Variants in RTCA observed in about 807,000 individuals in gnomAD.
RTCA encodes the protein RNA 3'-terminal phosphate cyclase.
RTCA carries 37 observed loss-of-function variants against 46.1 expected under a neutral mutation model. The ratio of observed to expected loss-of-function variants is 0.80; its 90% CI spans 0.62 to 1.06. The LOEUF is 1.06. Ranked by LOEUF, RTCA falls within the 50% of genes least tolerant of loss-of-function variation. RTCA has a pLI of 0.00. For synonymous variants in RTCA, 164 were observed against 158.3 expected (o/e 1.04, Z -0.27); for missense variants, 435 against 455.5 (o/e 0.95, Z 0.41).
intron 4 of RTCA, among the ~76,000 whole-genome samples, chr1:100,271,805 G>T (rs1229943398): frequency 6.6e-6 from 1 of 152,188 alleles, no homozygotes; most frequent in Non-Finnish European, 1.5e-5. Context: ...ACATAGAATA[G>T]TTCCGTTACT....
chr1:100,277,874 C>T (rs1666486865), intron 8 of RTCA, among the ~76,000 whole-genome samples: 1 of 151,920 alleles, frequency 6.6e-6, no homozygotes. Context: ...CTCCCATTAC[C>T]TTTTTTGTTG....
chr1:100,273,289 A>G (rs941946029), intron 4 of RTCA, 105 bp from the exon 5 acceptor site: 6 of 662,768 alleles, frequency 9.1e-6, no homozygotes, highest in African/African-American at 7.5e-5. Flanking sequence ...CTGTTTACCT[A>G]TAGCACCCAG....
In RTCA at chr1:100,268,281, T is replaced by C. The variant is rs1190413301; in HGVS notation, c.276T>C (p.Asp92=). 6 of 1,612,822 alleles carry C rather than the reference T, an allele frequency of 3.7e-6. No individual in the cohort carries two copies. The highest frequency in any genetic ancestry group is 5.1e-6 in the Non-Finnish European group (6 of 1,179,260). The change falls in exon 3 of 11, where the codon GAT becomes GAC. Residue 92 remains aspartate, a synonymous_variant. Transcript: ENST00000370128. ...TCAAAGGTGGAATCCACACAGCAGATACCAAGACAGCAGGGTATGTATCAC... is the reference window on the plus strand; with the variant it reads ...TCAAAGGTGGAATCCACACAGCAGACACCAAGACAGCAGGGTATGTATCAC... ...EKIKGGIHTA[D]TKTAGSVCLL...
chr1:100,286,454 C>CAAA (rs754851046), intron 9 of RTCA, among the ~76,000 whole-genome samples: 37 of 44,726 alleles, frequency 8.3e-4, no homozygotes, highest in African/African-American at 1.2e-3. Context: ...GACTCCGTCT[C>CAAA]AAAAAAAAAA....
At chr1:100,277,156 A>G (rs1666437213) in intron 7 of RTCA, 102 bp from the exon 8 acceptor site, 1 of 1,097,738 alleles carries the variant, frequency 9.1e-7, no homozygotes, top group African/African-American at 1.6e-5. Flanking sequence ...TGTTGCCCAG[A>G]TTTAGTTCTG....
Position 100,275,104 on chromosome 1 carries a change from C to T in RTCA, c.615+139C>T, listed in dbSNP as rs184970740. Reference sequence around the variant, plus strand: ...AATGTCCTTTGTGGCAATATGGCTGCAGCTGGAGGCCATTATCCTAAGCAA... The same window carrying T: ...AATGTCCTTTGTGGCAATATGGCTGTAGCTGGAGGCCATTATCCTAAGCAA... On this transcript the variant is annotated intron_variant, in intron 6 of 10. Coordinates refer to ENST00000370128, the MANE Select transcript of RTCA (RefSeq NM_003729.4). 1,085 of 847,144 alleles carry T rather than the reference C, an allele frequency of 1.3e-3. 13 individuals are homozygous for T. Among genetic ancestry groups the T allele is most frequent in the East Asian group, 2.8e-3 (101 of 36,668 alleles). The allele number at this position is 847,144 out of a possible 1,614,324, so 52.5% of individuals were successfully genotyped here. A position where few individuals can be genotyped will look rare whatever the true frequency, so the allele number is the denominator to read the frequency against.
Position 100,266,613 on chromosome 1 carries a change from G to T in RTCA, c.135G>T (p.Thr45=), listed in dbSNP as rs1259065400. The change falls in exon 2 of 11, where the codon ACG becomes ACT. Residue 45 remains threonine, a synonymous_variant. Coordinates refer to ENST00000370128, the MANE Select transcript of RTCA (RefSeq NM_003729.4). Reference sequence around the variant, plus strand: ...AGAAGATCCGAGCCGGCCGGAGCACGCCAGGCCTGAGGTAAATCTGGCTGG... The same window carrying T: ...AGAAGATCCGAGCCGGCCGGAGCACTCCAGGCCTGAGGTAAATCTGGCTGG... The part of the protein sequence containing the change: ...RVQKIRAGRS[T]PGLRPQHLSG... 6.2e-7 allele frequency: 1 copy of T among 1,611,850 alleles called. No homozygotes were observed. The highest frequency in any genetic ancestry group is 8.5e-7 in the Non-Finnish European group (1 of 1,178,714).
chr1:100,276,862 A>G (rs1666418093), intron 7 of RTCA, among the ~76,000 whole-genome samples: 2 of 152,220 alleles, frequency 1.3e-5, no homozygotes, highest in African/African-American at 4.8e-5. Flanking sequence ...TACTTATGAT[A>G]ACACTATCTA....
intron 4 of RTCA, among the ~76,000 whole-genome samples, chr1:100,272,399 G>T (rs1666147648): frequency 1.3e-5 from 2 of 152,042 alleles, no homozygotes; most frequent in South Asian, 4.1e-4. Flanking sequence ...TCTAGCCTGG[G>T]TAACATAGCG....
chr1:100,268,403 GTTT>G, intron 3 of RTCA, 108 bp downstream of exon 3: 3 of 714,222 alleles, frequency 4.2e-6, no homozygotes, highest in South Asian at 2.2e-5. Context: ...CTACTTTTAT[GTTT>G]TTTTTTTTTG....
intron 8 of RTCA, among the ~76,000 whole-genome samples, chr1:100,280,597 T>A (rs576473404): frequency 6.6e-6 from 1 of 152,188 alleles, no homozygotes. Context: ...CAAAAGTAAC[T>A]TGTGGTCTTC....
In RTCA at chr1:100,266,368, T is replaced by C. The variant is rs776238650; in HGVS notation, c.-8T>C. 7 of 1,611,030 alleles carry C rather than the reference T, an allele frequency of 4.3e-6. No individual in the cohort carries two copies. In the Admixed American group the frequency reaches 1.2e-4, roughly 27 times the overall value. On this transcript the variant is annotated 5_prime_UTR_variant, in exon 1 of 11. Coordinates refer to ENST00000370128, the MANE Select transcript of RTCA (RefSeq NM_003729.4). ...TGTCGCTGCGGGCTGGGCCCCAGGG[T>C]GTCCCCCATGGCGGGGCCGCGGGTG...
At chr1:100,267,037 C>T (rs964977773) in intron 2 of RTCA, 3 of 227,312 alleles carry the variant, frequency 1.3e-5, no homozygotes, top group African/African-American at 6.7e-5. Context: ...AATCATAAAA[C>T]AGGAAAGAAT....
In RTCA at chr1:100,291,486, G is replaced by T; in HGVS notation, c.1083G>T (p.Met361Ile). ...TTATTGAATGCCAAGGAATTGGGATGACAAATCCAAATCTATAGAGTATTT... is the reference window on the plus strand; with the variant it reads ...TTATTGAATGCCAAGGAATTGGGATTACAAATCCAAATCTATAGAGTATTT... ...TYIIECQGIG[M>I]TNPNL is the part of the protein sequence containing the mutation. The change falls in exon 11 of 11, where the codon ATG becomes ATT. Residue 361 changes from methionine (M) to isoleucine (I), a missense_variant. Physicochemically the swap from Met to Ile is conservative, Grantham distance 10. Coordinates refer to ENST00000370128, the MANE Select transcript of RTCA (RefSeq NM_003729.4). The T allele has an allele frequency of 6.2e-7, 1 of 1,606,086 alleles. No individual in the cohort carries two copies. Among genetic ancestry groups the T allele is most frequent in the South Asian group, 1.1e-5 (1 of 90,444 alleles).
intron 8 of RTCA, among the ~76,000 whole-genome samples, chr1:100,282,716 T>A (rs1415105676): frequency 5.3e-5 from 2 of 37,432 alleles, no homozygotes; most frequent in Non-Finnish European, 1.0e-4. Flanking sequence ...CACAAAACTT[T>A]GTTTTATGCA....
intron 8 of RTCA, among the ~76,000 whole-genome samples, chr1:100,280,588 A>C (rs1409352490): frequency 1.3e-5 from 2 of 152,206 alleles, no homozygotes; most frequent in Non-Finnish European, 2.9e-5. Flanking sequence ...TAGCAAATGC[A>C]AAAGTAACTT....
Position 100,266,612 on chromosome 1 carries a change from C to T in RTCA, c.134C>T (p.Thr45Met). Residue 45 changes from threonine to methionine, a missense_variant, in exon 2 of 11, where the codon ACG becomes ATG. By Grantham distance (81) the Thr-to-Met change is moderately conservative (BLOSUM62 -1). Transcript: ENST00000370128. ...CAGAAGATCCGAGCCGGCCGGAGCA[C>T]GCCAGGCCTGAGGTAAATCTGGCTG... ...RVQKIRAGRSTPGLRPQHLSG... is the reference protein window; with the variant it reads ...RVQKIRAGRSMPGLRPQHLSG... 1 of 1,612,300 alleles carries T rather than the reference C, an allele frequency of 6.2e-7. No homozygotes were observed. The highest frequency in any genetic ancestry group is 1.7e-5 in the Admixed American group (1 of 59,830).
intron 8 of RTCA, among the ~76,000 whole-genome samples, chr1:100,279,237 C>A (rs1666558230): frequency 6.6e-6 from 1 of 152,114 alleles, no homozygotes. Context: ...ACTAGGGATT[C>A]AAAAGTGACA....
intron 5 of RTCA, among the ~76,000 whole-genome samples, chr1:100,273,681 T>C (rs1666221101): frequency 6.6e-6 from 1 of 152,200 alleles, no homozygotes; most frequent in African/African-American, 2.4e-5. Flanking sequence ...TTCAAGGGAA[T>C]TTTCACAGTG....
Sources: gnomAD v4.1 joint callset for allele counts (sites outside exome capture counted in the v4.1 genomes callset) on GRCh38, gnomAD v4.1.1 for gene constraint, MANE v1.5 for transcripts, NCBI Gene and HGNC (gene_info 2026-07-23, HGNC 2026-07-21) for gene names.